SIDT1: variants seen among roughly 807,000 people sequenced by gnomAD.
SIDT1 encodes SID1 transmembrane family member 1, also known as SID1 transmembrane family, member 1.
SIDT1 carries 101 observed loss-of-function variants against 107.5 expected under a neutral mutation model. The observed-to-expected ratio is 0.94, with a 90% CI of 0.80 to 1.11. SIDT1 has a LOEUF of 1.11. SIDT1 is among the 50% of genes least tolerant of loss of function. The probability of loss-of-function intolerance (pLI) is 0.00; values close to 1 mark genes in which losing one functional copy is unlikely to be tolerated. For synonymous variants in SIDT1, 395 were observed against 398.2 expected, an observed-to-expected ratio of 0.99 and a Z score of 0.10; for missense variants, 1,076 against 1,058.2, an observed-to-expected ratio of 1.02 and a Z score of -0.23.
At chr3:113,581,474 C>T (rs1943336666) in intron 6 of SIDT1, 30 bp downstream of exon 6, 3 of 1,537,440 alleles carry the variant, frequency 2.0e-6, no homozygotes, top group South Asian at 2.2e-5. Flanking sequence ...GGCATTATTG[C>T]CAATGGTAAT....
intron 6 of SIDT1, 39 bp from the exon 7 acceptor site, chr3:113,583,370 T>C: frequency 2.0e-6 from 3 of 1,511,854 alleles, no homozygotes; most frequent in Non-Finnish European, 2.7e-6. Context: ...TTCTACCTCT[T>C]TCTTACCGCC....
At chr3:113,535,280 GT>G (rs11288702) in intron 1 of SIDT1, among the ~76,000 whole-genome samples, 49,874 of 148,690 alleles carry the variant, frequency 0.34, 8,491 homozygotes, top group East Asian at 0.54. Flanking sequence ...TTTTCAAAAT[GT>G]TTTTTTTTTT....
intron 12 of SIDT1, among the ~76,000 whole-genome samples, chr3:113,603,626 C>T (rs1387754163): frequency 6.6e-6 from 1 of 152,188 alleles, no homozygotes; most frequent in Non-Finnish European, 1.5e-5. Flanking sequence ...CAGTGGACAG[C>T]TCTGAAAGCT....
intron 4 of SIDT1, among the ~76,000 whole-genome samples, chr3:113,578,354 C>A (rs1028110593): frequency 1.7e-4 from 26 of 151,796 alleles, no homozygotes; most frequent in Non-Finnish European, 3.2e-4. Context: ...GTGGTCCCAG[C>A]TACTCGGGAG....
At chr3:113,635,598 G>A in the SIDT1 span, among the ~76,000 whole-genome samples, 1 of 152,186 alleles carries the variant, frequency 6.6e-6, no homozygotes, top group Non-Finnish European at 1.5e-5. Flanking sequence ...TGGGCACAGT[G>A]GCTCACGCCT....
chr3:113,542,882 T>C (rs1474552046), intron 1 of SIDT1, among the ~76,000 whole-genome samples: 1 of 150,922 alleles, frequency 6.6e-6, no homozygotes, highest in Non-Finnish European at 1.5e-5. Context: ...GGAAGAGACT[T>C]TTAATTAGTT....
At chr3:113,581,768 G>T in intron 6 of SIDT1, 1 of 264,596 alleles carries the variant, frequency 3.8e-6, no homozygotes, top group East Asian at 1.0e-4. Flanking sequence ...AGCTACTCAG[G>T]AGGCTGAGGC....
intron 1 of SIDT1, among the ~76,000 whole-genome samples, chr3:113,558,793 A>G (rs1941146259): frequency 6.6e-6 from 1 of 152,250 alleles, no homozygotes; most frequent in African/African-American, 2.4e-5. Flanking sequence ...GCAAAGGGGT[A>G]AAGTCTCAGA....
chr3:113,579,407 G>T (rs143479658), intron 4 of SIDT1, among the ~76,000 whole-genome samples: 68 of 152,090 alleles, frequency 4.5e-4, no homozygotes, highest in Non-Finnish European at 9.3e-4. Context: ...ACACAGTATG[G>T]GTTTCCTGGG....
chr3:113,544,704 G>A (rs1939377570), intron 1 of SIDT1, among the ~76,000 whole-genome samples: 1 of 152,100 alleles, frequency 6.6e-6, no homozygotes, highest in Non-Finnish European at 1.5e-5. Flanking sequence ...GTCGTATCAG[G>A]GGCACATGAT....
chr3:113,606,978 T>C (rs1945379178), intron 14 of SIDT1, 63 bp from the exon 15 acceptor site: 1 of 1,035,572 alleles, frequency 9.7e-7, no homozygotes, highest in East Asian at 2.4e-5. Context: ...CTCTTTGTGT[T>C]CCTGCTGGGG....
intron 1 of SIDT1, among the ~76,000 whole-genome samples, chr3:113,558,052 AGAGAGAGAGGGG>A (rs1941063892): frequency 6.9e-6 from 1 of 144,300 alleles, no homozygotes; most frequent in African/African-American, 2.4e-5. Flanking sequence ...ACAGACAGAC[AGAGAGAGAGGGG>A]GATCTGATCT....
chr3:113,536,456 G>C (rs1938178760), intron 1 of SIDT1, among the ~76,000 whole-genome samples: 1 of 152,194 alleles, frequency 6.6e-6, no homozygotes, highest in African/African-American at 2.4e-5. Flanking sequence ...AAAATGGCTA[G>C]TTTTTGAGCT....
At position 113,566,453 on chromosome 3, in the gene SIDT1, T is replaced by G; in HGVS notation, c.256T>G (p.Ser86Ala). The G allele has an allele frequency of 6.2e-7, 1 of 1,614,156 alleles. No homozygotes were observed. Among genetic ancestry groups the G allele is most frequent in the Non-Finnish European group, 8.5e-7 (1 of 1,180,016 alleles). Residue 86 changes from serine (S) to alanine (A), a missense_variant, in exon 2 of 25, where the codon TCT (serine) becomes GCT (alanine). Physicochemically the swap from Ser to Ala is moderately conservative, Grantham distance 99. Coordinates refer to ENST00000264852, the MANE Select transcript of SIDT1 (RefSeq NM_017699.3). ...CGTGAGGGTGTATGTGAACAGTTCCTCTGAGAATCTCAACTACCCGGTCCT... is the reference window on the plus strand; with the variant it reads ...CGTGAGGGTGTATGTGAACAGTTCCGCTGAGAATCTCAACTACCCGGTCCT... ...TAVRVYVNSS[S>A]ENLNYPVLVV...
At chr3:113,627,570 C>A in intron 24 of SIDT1, 76 bp from the exon 25 acceptor site, 1 of 1,370,234 alleles carries the variant, frequency 7.3e-7, no homozygotes, top group Non-Finnish European at 1.0e-6. Flanking sequence ...AGTCTGTGTG[C>A]ATCTCAGAGA....
At chr3:113,581,598 C>CATA (rs1943350543) in intron 6 of SIDT1, 154 bp downstream of exon 6, 9 of 640,272 alleles carry the variant, frequency 1.4e-5, no homozygotes, top group Non-Finnish European at 2.5e-5. Context: ...TCTGGCCAGG[C>CATA]GCAGTGGCTC....
chr3:113,565,920 G>A (rs541519649), intron 1 of SIDT1, among the ~76,000 whole-genome samples: 14 of 152,306 alleles, frequency 9.2e-5, no homozygotes, highest in African/African-American at 3.4e-4. Flanking sequence ...TTGTTTTTGA[G>A]GGAGGGTGGC....
intron 10 of SIDT1, among the ~76,000 whole-genome samples, chr3:113,600,140 T>A (rs550548314): frequency 6.6e-6 from 1 of 152,118 alleles, no homozygotes; most frequent in East Asian, 1.9e-4. Context: ...TGAAACCCTG[T>A]CTCTACTAAA....
the SIDT1 span, among the ~76,000 whole-genome samples, chr3:113,635,565 C>T: frequency 1.3e-5 from 2 of 152,118 alleles, no homozygotes; most frequent in Non-Finnish European, 2.9e-5. Flanking sequence ...TTCCCCAAAA[C>T]ATTTTAAAGA....
Sources: allele counts gnomAD v4.1 joint callset (sites outside exome capture counted in the v4.1 genomes callset), GRCh38; gene constraint gnomAD v4.1.1; transcripts MANE v1.5; gene names NCBI Gene and HGNC (gene_info 2026-07-23, HGNC 2026-07-21).